The following ODAD2 variants were observed in gnomAD, a reference collection of about 807,000 sequenced individuals.
ODAD2 encodes outer dynein arm-docking complex subunit 2.
In ODAD2, 89 loss-of-function variants were observed where a neutral mutation model predicts 106.8. The observed-to-expected ratio is 0.83, with a 90% CI of 0.70 to 0.99. The LOEUF (loss-of-function observed/expected upper bound fraction) is 0.99, where lower values mean the gene tolerates loss of function less well. ODAD2 is among the 50% of genes least tolerant of loss of function. The pLI is 0.00. For synonymous variants in ODAD2, 404 were observed against 436.2 expected (o/e 0.93, Z 0.92); for missense variants, 1,168 against 1,238.5 (o/e 0.94, Z 0.85).
At chr10:27,880,785 T>A (rs1404134010) in intron 17 of ODAD2, among the ~76,000 whole-genome samples, 2 of 152,312 alleles carry the variant, frequency 1.3e-5, no homozygotes, top group East Asian at 3.9e-4. Flanking sequence ...TTGTAAGACA[T>A]AAATTTCTGT....
intron 19 of ODAD2, among the ~76,000 whole-genome samples, chr10:27,831,442 A>T (rs528029761): frequency 4.3e-4 from 66 of 152,364 alleles, no homozygotes; most frequent in African/African-American, 1.4e-3. Flanking sequence ...CTTACCATGT[A>T]TCAGGCACTA....
chr10:27,840,497 G>T (rs933384913), intron 19 of ODAD2, among the ~76,000 whole-genome samples: 1 of 152,186 alleles, frequency 6.6e-6, no homozygotes, highest in Non-Finnish European at 1.5e-5. Context: ...AGTATCACAT[G>T]CTTCATTGTC....
chr10:27,817,651 T>C (rs1836245172), intron 19 of ODAD2, among the ~76,000 whole-genome samples: 2 of 152,216 alleles, frequency 1.3e-5, no homozygotes, highest in African/African-American at 4.8e-5. Flanking sequence ...TTTATGTTGC[T>C]GCAAAAGACA....
intron 10 of ODAD2, among the ~76,000 whole-genome samples, chr10:27,949,083 A>G (rs1475767979): frequency 3.3e-5 from 5 of 152,138 alleles, no homozygotes; most frequent in Non-Finnish European, 7.4e-5. Flanking sequence ...TACCATTGAT[A>G]AGGAAGAAAT....
intron 7 of ODAD2, among the ~76,000 whole-genome samples, chr10:27,977,353 A>G (rs1190255784): frequency 2.0e-5 from 3 of 151,704 alleles, no homozygotes; most frequent in Non-Finnish European, 2.9e-5. Flanking sequence ...TCACAAGGTC[A>G]GGAGATTGAG....
chr10:27,973,755 A>G (rs1354110144), intron 7 of ODAD2, among the ~76,000 whole-genome samples: 1 of 152,118 alleles, frequency 6.6e-6, no homozygotes, highest in Non-Finnish European at 1.5e-5. Flanking sequence ...ATATGTGTGC[A>G]TGTGTCTTTA....
intron 9 of ODAD2, 45 bp downstream of exon 9, chr10:27,968,878 G>T: frequency 3.7e-6 from 2 of 538,884 alleles, no homozygotes; most frequent in Non-Finnish European, 3.3e-6. Context: ...AGCCCACTGC[G>T]TGAGGGTGGC....
chr10:27,885,644 TATATTATATATA>T (rs1842081811), intron 17 of ODAD2, among the ~76,000 whole-genome samples: 2 of 67,398 alleles, frequency 3.0e-5, no homozygotes, highest in African/African-American at 1.3e-4. Context: ...ATATATTATA[TATATTATATATA>T]ATATATTATA....
At chr10:27,938,336 G>A (rs1416811438) in intron 14 of ODAD2, among the ~76,000 whole-genome samples, 1 of 152,174 alleles carries the variant, frequency 6.6e-6, no homozygotes, top group Non-Finnish European at 1.5e-5. Flanking sequence ...CAATAGGACT[G>A]CTGTCCAAGG....
At chr10:27,908,810 T>C (rs1416503491) in intron 16 of ODAD2, among the ~76,000 whole-genome samples, 1 of 152,088 alleles carries the variant, frequency 6.6e-6, no homozygotes, top group African/African-American at 2.4e-5. Flanking sequence ...CAGTTTTGCA[T>C]AACTTTATAA....
chr10:27,844,954 G>T (rs1391351408), intron 19 of ODAD2, among the ~76,000 whole-genome samples: 1 of 152,148 alleles, frequency 6.6e-6, no homozygotes, highest in African/African-American at 2.4e-5. Flanking sequence ...CAGTCTATTA[G>T]CTCAGCCCCT....
At chr10:27,925,532 A>G (rs1845194482) in intron 16 of ODAD2, among the ~76,000 whole-genome samples, 2 of 152,096 alleles carry the variant, frequency 1.3e-5, no homozygotes, top group African/African-American at 4.8e-5. Context: ...TAATTTTTAA[A>G]GTTTTTGTAG....
intron 19 of ODAD2, among the ~76,000 whole-genome samples, chr10:27,830,425 CACA>C (rs1837386623): frequency 6.6e-6 from 1 of 152,230 alleles, no homozygotes; most frequent in South Asian, 2.1e-4. Flanking sequence ...ACAGTTTAAA[CACA>C]TGCCTACCGA....
chr10:27,922,359 CT>C (rs1226128589), intron 16 of ODAD2, among the ~76,000 whole-genome samples: 1 of 151,856 alleles, frequency 6.6e-6, no homozygotes, highest in Non-Finnish European at 1.5e-5. Flanking sequence ...GACTATAGAA[CT>C]TAAGCTAATT....
chr10:27,832,586 T>C (rs1255862366), intron 19 of ODAD2, among the ~76,000 whole-genome samples: 3 of 152,116 alleles, frequency 2.0e-5, no homozygotes, highest in Non-Finnish European at 4.4e-5. Flanking sequence ...TAGAACTTTG[T>C]CAAAAACATC....
chr10:27,935,955 C>T lies in ODAD2; in HGVS notation c.2253-703G>A, dbSNP rs184959049. Among the ~76,000 whole-genome samples the T allele has an allele frequency of 3.4e-3, 520 of 152,144 alleles. 6 individuals are homozygous for T. Among genetic ancestry groups the T allele is most frequent in the African/African-American group, 0.012 (483 of 41,512 alleles). On this transcript the variant is annotated intron_variant, in intron 15 of 19. Transcript: ENST00000305242. Reference sequence around the variant, plus strand: ...CTAGTTTCTATACAGAACATTTTCCCTTCCTAATAAATTTCAGCTGTATTT... The same window carrying T: ...CTAGTTTCTATACAGAACATTTTCCTTTCCTAATAAATTTCAGCTGTATTT...
chr10:27,938,244 T>C (rs1177640815), intron 14 of ODAD2, among the ~76,000 whole-genome samples: 2 of 152,032 alleles, frequency 1.3e-5, no homozygotes, highest in Admixed American at 6.6e-5. Context: ...CCTCAGAATG[T>C]GACTGTATTT....
At position 27,885,835 on chromosome 10, in the gene ODAD2, ATATT is replaced by A. The variant is rs531267069; in HGVS notation, c.2610+21824_2610+21827del. The stretch of plus-strand genomic sequence containing the variant: ...TATTATATATAATATATAAATATAT[ATATT>A]TGTTTGGATATATATATTTATATAT... On this transcript the variant is annotated intron_variant, in intron 17 of 19. Transcript: ENST00000305242. 1.4e-3 allele frequency among the ~76,000 whole-genome samples: 138 copies of A among 97,908 alleles called. 4 individuals are homozygous for A. In the South Asian group the frequency reaches 0.035, roughly 25 times the overall value. 64.2% of individuals were successfully genotyped at this position (97,908 alleles called of 152,430 possible).
chr10:27,903,067 C>T (rs1465315904), intron 17 of ODAD2, among the ~76,000 whole-genome samples: 5 of 152,108 alleles, frequency 3.3e-5, no homozygotes, highest in Non-Finnish European at 7.3e-5. Flanking sequence ...ACTGGCAAAC[C>T]GAATCCAGCA....
Sources: allele counts gnomAD v4.1 joint callset (sites outside exome capture counted in the v4.1 genomes callset), GRCh38; gene constraint gnomAD v4.1.1; transcripts MANE v1.5; gene names NCBI Gene and HGNC (gene_info 2026-07-23, HGNC 2026-07-21).